LY6G5B: variants seen among roughly 807,000 people sequenced by gnomAD.
The protein encoded by LY6G5B is lymphocyte antigen 6 family member G5B.
LY6G5B carries 6 observed loss-of-function variants against 6.7 expected under a neutral mutation model. The ratio of observed to expected loss-of-function variants is 0.89; its 90% CI spans 0.49 to 1.76. LY6G5B has a LOEUF of 1.76. Ranked by LOEUF, LY6G5B falls within the 40% of genes most tolerant of loss-of-function variation. LY6G5B has a pLI of 0.01. For missense variants in LY6G5B, 240 were observed against 249.5 expected (o/e 0.96, Z 0.26); for synonymous variants, 98 against 99.4 (o/e 0.99, Z 0.09).
In LY6G5B at chr6:31,670,941, G is replaced by T. The variant is rs1232609301; in HGVS notation, c.-10G>T. The stretch of plus-strand genomic sequence containing the variant: ...CCCTCAGGAACTGCCCATCTCCCCA[G>T]AATTCCAAAATGAAGGTCCATATGC... On this transcript the variant is annotated 5_prime_UTR_variant, in exon 1 of 3. It introduces an in-frame stop codon into an upstream open reading frame of the 5' UTR. Transcript: ENST00000375864. 1 of 1,598,068 alleles carries T rather than the reference G, an allele frequency of 6.3e-7. No individual in the cohort carries two copies. The highest frequency in any genetic ancestry group is 8.5e-7 in the Non-Finnish European group (1 of 1,172,254).
At chr6:31,671,576 G>A (rs1421263227) in intron 2 of LY6G5B, among the ~76,000 whole-genome samples, 1 of 152,120 alleles carries the variant, frequency 6.6e-6, no homozygotes, top group Non-Finnish European at 1.5e-5. Flanking sequence ...GCTGAGGTGG[G>A]AGATCTCTTA....
intron 2 of LY6G5B, 123 bp from the exon 3 acceptor site, chr6:31,671,741 C>T (rs541164443): frequency 2.5e-6 from 3 of 1,214,360 alleles, no homozygotes; most frequent in Middle Eastern, 2.9e-4. Context: ...TTTCTAGCCT[C>T]TTGAAGGACT....
At chr6:31,670,932 A>G in exon 1 of LY6G5B, 1 of 1,589,272 alleles carries the variant, frequency 6.3e-7, no homozygotes. Flanking sequence ...GGAACTGCCC[A>G]TCTCCCCAGA....
chr6:31,671,425 TAGCACTTTGGG>T, intron 2 of LY6G5B, 141 bp downstream of exon 2: 1 of 1,280,338 alleles, frequency 7.8e-7, no homozygotes, highest in Non-Finnish European at 1.1e-6. Context: ...CCTGTAACCC[TAGCACTTTGGG>T]AGGCTGAGGC....
At chr6:31,672,084 C>A (rs1802272167) in exon 3 of LY6G5B, 1 of 1,613,064 alleles carries the variant, frequency 6.2e-7, no homozygotes, top group African/African-American at 1.3e-5. Flanking sequence ...TTCAGTGGTT[C>A]TACCAGGCCC....
chr6:31,671,006 AG>A lies in LY6G5B; in HGVS notation c.58+1del. 1.9e-6 allele frequency: 3 copies of A among 1,612,610 alleles called. No individual in the cohort carries two copies. Among genetic ancestry groups the A allele is most frequent in the Non-Finnish European group, 2.5e-6 (3 of 1,179,212 alleles). On this transcript the variant is annotated frameshift_variant and splice_region_variant, in exon 1 of 3. Transcript: ENST00000375864. LOFTEE classifies it high-confidence loss of function. ...GTCATGGTGGGCTTCACAGTAGGAA[AG>A]GGTAAGTGGGGCCCAGGGGCAGGGA...
intron 1 of LY6G5B, 54 bp downstream of exon 1, chr6:31,671,062 G>C (rs1034948785): frequency 1.2e-5 from 19 of 1,609,726 alleles, no homozygotes; most frequent in South Asian, 6.6e-5. Flanking sequence ...GTCCAGGAAG[G>C]GGGTGGAGCG....
exon 1 of LY6G5B, chr6:31,670,963 A>G: frequency 5.6e-6 from 9 of 1,609,884 alleles, no homozygotes; most frequent in Non-Finnish European, 7.6e-6. Flanking sequence ...GAAGGTCCAT[A>G]TGCTTGTAGG....
rs759545873 is a variant in LY6G5B, at chr6:31,671,146, G to C, written c.59-10G>C. On this transcript the variant is annotated splice_polypyrimidine_tract_variant and intron_variant, in intron 1 of 2. Transcript: ENST00000375864. ...ACCCAGTGCCTCCATCCCTCCTTCT[G>C]CCTCCCCAGTTCCTGTTCCCGACAT... 2 of 1,613,900 alleles carry C rather than the reference G, an allele frequency of 1.2e-6. No homozygotes were observed. Among genetic ancestry groups the C allele is most frequent in the Admixed American group, 1.7e-5 (1 of 60,020 alleles).
At position 31,671,947 on chromosome 6, in the gene LY6G5B, G is replaced by T. The variant is rs889524964; in HGVS notation, c.271G>T (p.Glu91Ter). 1 of 1,612,970 alleles carries T rather than the reference G, an allele frequency of 6.2e-7. No individual in the cohort carries two copies. The highest frequency in any genetic ancestry group is 1.3e-5 in the African/African-American group (1 of 74,918). ...AGAAAAACGCAACACCTACTTTGCA[G>T]AGTACTGGTATCAGGCCCAGTGCTG... Residue 91 changes from glutamate to a stop codon, truncating the protein, a stop_gained, in exon 3 of 3, where the codon GAG becomes TAG. Transcript: ENST00000375864. LOFTEE classifies it low-confidence loss of function (END_TRUNC).
exon 3 of LY6G5B, chr6:31,672,188 C>G (rs768338389): frequency 1.1e-5 from 17 of 1,613,024 alleles, no homozygotes; most frequent in Non-Finnish European, 1.4e-5. Context: ...CTGGGCTTGT[C>G]TTTTGCTGAG....
upstream of LY6G5B, chr6:31,670,012 A>C: frequency 9.1e-7 from 1 of 1,104,484 alleles, no homozygotes; most frequent in Non-Finnish European, 1.3e-6. Context: ...TTTTAGTTTA[A>C]ATTAAAGGAG....
At position 31,672,188 on chromosome 6, in the gene LY6G5B, CT is replaced by C. The variant is rs772819690; in HGVS notation, c.516del (p.Phe172LeufsTer25). 6.2e-7 allele frequency: 1 copy of C among 1,613,142 alleles called. No individual in the cohort carries two copies. Among genetic ancestry groups the C allele is most frequent in the African/African-American group, 1.3e-5 (1 of 75,048 alleles). ...ACACTGTCCCTGAACCTGGGCTTGT[CT>C]TTTGCTGAGCTGCGCCGCATGTACT... On this transcript the variant is annotated frameshift_variant, in exon 3 of 3. Coordinates refer to ENST00000375864, the Ensembl canonical transcript of LY6G5B. LOFTEE classifies it low-confidence loss of function (END_TRUNC).
chr6:31,670,383 A>C (rs1408799436), exon 1 of LY6G5B: 1 of 172,404 alleles, frequency 5.8e-6, no homozygotes, highest in East Asian at 1.7e-4. Flanking sequence ...TCTAAAGGAA[A>C]AGTAGCCTAA....
chr6:31,670,622 G>T lies in LY6G5B; in HGVS notation c.-329G>T. 2.8e-6 allele frequency: 1 copy of T among 357,742 alleles called. No homozygotes were observed. The highest frequency in any genetic ancestry group is 5.1e-6 in the Non-Finnish European group (1 of 197,828). The allele number at this position is 357,742 out of a possible 1,614,324, so 22.2% of individuals were successfully genotyped here. ...ACTAACCCATGGACTTTCCAAGGGA[G>T]GGAATAGGTCTTTGGAGGGTATGCA... On this transcript the variant is annotated 5_prime_UTR_variant, in exon 1 of 3. It adds an upstream start codon to the 5' untranslated region. Coordinates refer to ENST00000375864, the Ensembl canonical transcript of LY6G5B.
At chr6:31,672,477 C>T in exon 3 of LY6G5B, 1 of 666,064 alleles carries the variant, frequency 1.5e-6, no homozygotes, top group Non-Finnish European at 2.5e-6. Flanking sequence ...CAAAGTCTCG[C>T]TCTGTCACCC....
chr6:31,672,714 G>T (rs1802324489), exon 3 of LY6G5B: 1 of 177,344 alleles, frequency 5.6e-6, no homozygotes, highest in Non-Finnish European at 1.2e-5. Flanking sequence ...AAAGTGCCGG[G>T]ATTACAGGTG....
At chr6:31,670,936 C>T (rs763962743) in exon 1 of LY6G5B, 4 of 1,593,728 alleles carry the variant, frequency 2.5e-6, no homozygotes, top group Non-Finnish European at 2.6e-6. Flanking sequence ...CTGCCCATCT[C>T]CCCAGAATTC....
At position 31,671,343 on chromosome 6, in the gene LY6G5B, CCT is replaced by C. The variant is rs1261951333; in HGVS notation, c.187+63_187+64del. On this transcript the variant is annotated intron_variant, in intron 2 of 2. Transcript: ENST00000375864. Reference sequence around the variant, plus strand: ...GGCAGCCAATGGCTTGGTCTTCTCTCCTCTCACAGATCAGGGCTGCTCCGGGC... The same window carrying C: ...GGCAGCCAATGGCTTGGTCTTCTCTCCTCACAGATCAGGGCTGCTCCGGGC... 3.7e-6 allele frequency: 6 copies of C among 1,608,552 alleles called. No individual in the cohort carries two copies. In the East Asian group the frequency reaches 1.3e-4, roughly 36 times the overall value.
Sources: allele counts gnomAD v4.1 joint callset (sites outside exome capture counted in the v4.1 genomes callset), GRCh38; gene constraint gnomAD v4.1.1; transcripts MANE v1.5; gene names NCBI Gene and HGNC (gene_info 2026-07-23, HGNC 2026-07-21).